The following SCFD2 variants were observed in gnomAD, a reference collection of about 807,000 sequenced individuals.
The protein encoded by SCFD2 is sec1 family domain-containing protein 2.
In SCFD2, 54 loss-of-function variants were observed where a neutral mutation model predicts 58.9. The observed-to-expected ratio is 0.92, with a 90% CI of 0.74 to 1.15. SCFD2 has a LOEUF of 1.15. Among genes scored for constraint, SCFD2 ranks in the 50% most tolerant of loss-of-function variants. The probability of loss-of-function intolerance (pLI) is 0.00; values close to 1 mark genes in which losing one functional copy is unlikely to be tolerated. For synonymous variants in SCFD2, 321 were observed against 335.9 expected (o/e 0.96, Z 0.49); for missense variants, 805 against 836.6 (o/e 0.96, Z 0.47).
At chr4:52,985,171 T>C (rs1411348239) in intron 5 of SCFD2, among the ~76,000 whole-genome samples, 1 of 152,190 alleles carries the variant, frequency 6.6e-6, no homozygotes, top group Non-Finnish European at 1.5e-5. Flanking sequence ...TAATACTGTT[T>C]GACTGTGTGA....
At chr4:53,064,702 T>A (rs1293544751) in intron 5 of SCFD2, among the ~76,000 whole-genome samples, 1 of 152,132 alleles carries the variant, frequency 6.6e-6, no homozygotes, top group Non-Finnish European at 1.5e-5. Context: ...ACATTATTTG[T>A]CTTAAACAAT....
At chr4:53,063,067 T>C (rs764558093) in intron 5 of SCFD2, among the ~76,000 whole-genome samples, 1 of 152,178 alleles carries the variant, frequency 6.6e-6, no homozygotes, top group African/African-American at 2.4e-5. Context: ...ATTATAAATA[T>C]AGGTTTATAT....
chr4:53,263,923 G>A (rs548483020), intron 4 of SCFD2, among the ~76,000 whole-genome samples: 85 of 152,298 alleles, frequency 5.6e-4, no homozygotes, highest in African/African-American at 2.0e-3. Context: ...GGTGGGAGCA[G>A]GAATAGGTGT....
intron 1 of SCFD2, 137 bp downstream of exon 1, chr4:53,364,967 G>C (rs1734650425): frequency 9.9e-7 from 1 of 1,011,008 alleles, no homozygotes. Context: ...TGTGAGATTA[G>C]AGACCGTGTC....
chr4:52,959,671 C>T (rs1720798058), intron 5 of SCFD2, among the ~76,000 whole-genome samples: 1 of 152,152 alleles, frequency 6.6e-6, no homozygotes, highest in Non-Finnish European at 1.5e-5. Flanking sequence ...GCACATTCCT[C>T]CTCCTCTAAA....
intron 2 of SCFD2, among the ~76,000 whole-genome samples, chr4:53,343,018 A>C (rs532719664): frequency 2.6e-5 from 4 of 152,226 alleles, no homozygotes; most frequent in Non-Finnish European, 5.9e-5. Flanking sequence ...AAAGATCTAA[A>C]ATTGACACCC....
intron 7 of SCFD2, among the ~76,000 whole-genome samples, chr4:52,901,524 A>G (rs1719199135): frequency 6.6e-6 from 1 of 152,240 alleles, no homozygotes; most frequent in Non-Finnish European, 1.5e-5. Flanking sequence ...GAGAATGGCC[A>G]CATGGAAAGA....
intron 5 of SCFD2, among the ~76,000 whole-genome samples, chr4:52,996,299 G>A (rs955291970): frequency 6.6e-6 from 1 of 151,940 alleles, no homozygotes; most frequent in African/African-American, 2.4e-5. Context: ...CTTGGCGACT[G>A]TAATGTGCAG....
rs1728860888 is a variant in SCFD2, at chr4:53,216,905, C to G, written c.1311+56921G>C. On this transcript the variant is annotated intron_variant, in intron 4 of 8. Transcript: ENST00000401642. ...TTTCTGCCTTCATTTCGTTATGTAC[C>G]CAGTAGTCATTCAGGAGCAGGTTAT... Among the ~76,000 whole-genome samples, 5 of 152,076 alleles carry G rather than the reference C, an allele frequency of 3.3e-5. No homozygotes were observed. The South Asian group carries it at 1.0e-3, about 32-fold the overall frequency.
At chr4:53,217,594 C>T (rs1179801637) in intron 4 of SCFD2, among the ~76,000 whole-genome samples, 1 of 152,176 alleles carries the variant, frequency 6.6e-6, no homozygotes, top group Non-Finnish European at 1.5e-5. Context: ...GACTCTTTAT[C>T]CAATTTGCCA....
At chr4:53,084,452 CAT>C (rs560542264) in intron 5 of SCFD2, among the ~76,000 whole-genome samples, 3 of 152,104 alleles carry the variant, frequency 2.0e-5, no homozygotes, top group South Asian at 4.1e-4. Context: ...ACTGTTCACA[CAT>C]GTTTTACAAT....
intron 4 of SCFD2, among the ~76,000 whole-genome samples, chr4:53,250,179 C>A (rs891385862): frequency 2.4e-4 from 37 of 152,212 alleles, no homozygotes; most frequent in Non-Finnish European, 4.7e-4. Context: ...GACTTTAAAC[C>A]AACAAAGATC....
At chr4:53,338,278 A>C (rs866402353) in intron 2 of SCFD2, among the ~76,000 whole-genome samples, 2 of 152,248 alleles carry the variant, frequency 1.3e-5, no homozygotes, top group African/African-American at 2.4e-5. Flanking sequence ...TCCCAGAAGA[A>C]GACAAGAAAG....
At position 52,979,055 on chromosome 4, in the gene SCFD2, G is replaced by A. The variant is rs1326393940; in HGVS notation, c.1562-58185C>T. Among the ~76,000 whole-genome samples, 5 of 131,968 alleles carry A rather than the reference G, an allele frequency of 3.8e-5. No individual in the cohort carries two copies. In the South Asian group the frequency reaches 1.4e-3, roughly 38 times the overall value. The allele number at this position is 131,968 out of a possible 152,430, so 86.6% of individuals were successfully genotyped here. A position where few individuals can be genotyped will look rare whatever the true frequency, so the allele number is the denominator to read the frequency against. ...ATTACAAGCATGAGCCAACACACCA[G>A]GCCTTTTTTTGGGGGGGGGAGTAGT... is the stretch of plus-strand genomic sequence containing the variant. On this transcript the variant is annotated intron_variant, in intron 5 of 8. Transcript: ENST00000401642.
chr4:52,877,082 A>G (rs1038173549), intron 8 of SCFD2, among the ~76,000 whole-genome samples: 3 of 152,190 alleles, frequency 2.0e-5, no homozygotes, highest in Non-Finnish European at 2.9e-5. Flanking sequence ...TGAAAAGGCT[A>G]AAAGTGTTGA....
chr4:53,008,404 C>T (rs763023195), intron 5 of SCFD2, among the ~76,000 whole-genome samples: 3 of 152,156 alleles, frequency 2.0e-5, no homozygotes, highest in Non-Finnish European at 4.4e-5. Flanking sequence ...GAATAATGAG[C>T]ACAATGGGAA....
intron 2 of SCFD2, among the ~76,000 whole-genome samples, chr4:53,329,308 A>G (rs1733337507): frequency 6.6e-6 from 1 of 152,040 alleles, no homozygotes; most frequent in Non-Finnish European, 1.5e-5. Context: ...AGACAAACAA[A>G]AAGACAGCAG....
At chr4:53,226,647 C>A (rs1196873137) in intron 4 of SCFD2, among the ~76,000 whole-genome samples, 1 of 152,056 alleles carries the variant, frequency 6.6e-6, no homozygotes, top group African/African-American at 2.4e-5. Flanking sequence ...GGGATCCCTG[C>A]CTTCAGAGAG....
At chr4:53,182,694 A>T (rs1727610178) in intron 4 of SCFD2, among the ~76,000 whole-genome samples, 3 of 152,240 alleles carry the variant, frequency 2.0e-5, no homozygotes, top group Admixed American at 2.0e-4. Flanking sequence ...AGCAAAAGAA[A>T]CTACCATCAT....
Sources: allele counts gnomAD v4.1 joint callset (sites outside exome capture counted in the v4.1 genomes callset), GRCh38; gene constraint gnomAD v4.1.1; transcripts MANE v1.5; gene names NCBI Gene and HGNC (gene_info 2026-07-23, HGNC 2026-07-21).